The following ACOT13 variants were observed in gnomAD, a reference collection of about 807,000 sequenced individuals.
ACOT13 encodes acyl-CoA thioesterase 13.
A neutral mutation model predicts 11.8 loss-of-function variants in ACOT13; 10 were observed. The observed-to-expected ratio is 0.85, with a 90% confidence interval of 0.53 to 1.44. The LOEUF (loss-of-function observed/expected upper bound fraction) is 1.44, where lower values mean the gene tolerates loss of function less well. ACOT13 is among the 40% of genes most tolerant of loss of function. ACOT13 has a pLI of 0.00. For missense variants in ACOT13, 172 were observed against 174.1 expected (o/e 0.99, Z 0.07); for synonymous variants, 53 against 61.0 (o/e 0.87, Z 0.61).
In ACOT13 at chr6:24,695,365, C is replaced by T. The variant is rs988289162; in HGVS notation, c.82-2518C>T. 1.3e-4 allele frequency among the ~76,000 whole-genome samples: 20 copies of T among 152,144 alleles called. 1 individual carries two copies. Among genetic ancestry groups the T allele is most frequent in the Admixed American group, 7.2e-4 (11 of 15,276 alleles). On this transcript the variant is annotated intron_variant, in intron 1 of 2. Coordinates refer to ENST00000230048, the MANE Select transcript of ACOT13 (RefSeq NM_018473.4). ...CTACCTTTGCTGTCTACAAGCCGCT[C>T]GTATTTAGTTCTATTTCTTCAACTG...
intron 1 of ACOT13, among the ~76,000 whole-genome samples, chr6:24,674,282 C>T (rs1778409263): frequency 6.6e-6 from 1 of 152,188 alleles, no homozygotes; most frequent in African/African-American, 2.4e-5. Flanking sequence ...TGGTCTTGAA[C>T]TGACTTCAAG....
rs1467135568 is a variant in ACOT13 at position 24,701,456 on chromosome 6, A to G, written c.267-3A>G. 4 of 1,596,760 alleles carry G rather than the reference A, an allele frequency of 2.5e-6. No homozygotes were observed. The East Asian group carries it at 6.7e-5, about 27-fold the overall frequency. The stretch of plus-strand genomic sequence containing the variant: ...CTGTTAACTATATTCATTTTCTTTC[A>G]AGGTACATGTCACCTGCAAAATTAG... On this transcript the variant is annotated splice_polypyrimidine_tract_variant and splice_region_variant and intron_variant, in intron 2 of 2. Coordinates refer to ENST00000230048, the MANE Select transcript of ACOT13 (RefSeq NM_018473.4).
intron 1 of ACOT13, among the ~76,000 whole-genome samples, chr6:24,690,666 C>T (rs1487404106): frequency 6.6e-6 from 1 of 152,234 alleles, no homozygotes; most frequent in African/African-American, 2.4e-5. Context: ...AACTAACCTT[C>T]AGGGAATATT....
intron 2 of ACOT13, among the ~76,000 whole-genome samples, chr6:24,699,431 C>T (rs1005363023): frequency 2.6e-5 from 4 of 152,100 alleles, no homozygotes; most frequent in Non-Finnish European, 4.4e-5. Context: ...AGGCTGGTCT[C>T]GATCTCCTCA....
intron 1 of ACOT13, among the ~76,000 whole-genome samples, chr6:24,688,557 A>AT (rs1475583788): frequency 6.6e-6 from 1 of 151,582 alleles, no homozygotes; most frequent in Non-Finnish European, 1.5e-5. Flanking sequence ...AAAAAAAAAA[A>AT]AATTGTGTGA....
intron 1 of ACOT13, among the ~76,000 whole-genome samples, chr6:24,672,243 C>G (rs1416176105): frequency 6.6e-6 from 1 of 152,188 alleles, no homozygotes; most frequent in African/African-American, 2.4e-5. Context: ...AGAGAGGGGA[C>G]TTAACTTTCC....
intron 1 of ACOT13, among the ~76,000 whole-genome samples, chr6:24,678,510 C>G (rs1012555135): frequency 2.6e-5 from 4 of 152,098 alleles, no homozygotes; most frequent in African/African-American, 9.7e-5. Flanking sequence ...AGGGTACTGC[C>G]TTTGGTAGGG....
At chr6:24,683,244 A>C (rs920094812) in intron 1 of ACOT13, among the ~76,000 whole-genome samples, 12 of 152,190 alleles carry the variant, frequency 7.9e-5, no homozygotes, top group African/African-American at 1.9e-4. Context: ...TAATTTAGAA[A>C]GTTTATTTTG....
rs1433135259 is a variant in ACOT13, at chr6:24,703,604, C to T, written c.*1989C>T. 1 of 152,206 alleles carries T rather than the reference C, an allele frequency of 6.6e-6. No individual in the cohort carries two copies. Among genetic ancestry groups the T allele is most frequent in the Non-Finnish European group, 1.5e-5 (1 of 68,030 alleles). The allele number at this position is 152,206 out of a possible 1,614,324, so 9.4% of individuals were successfully genotyped here. ...GCAGAGATAGAACACTCTCTTACAA[C>T]AAATGCTGTAAATGGACAAAGCATT... On this transcript the variant is annotated 3_prime_UTR_variant, in exon 3 of 3. Coordinates refer to ENST00000230048, the MANE Select transcript of ACOT13 (RefSeq NM_018473.4).
At position 24,686,605 on chromosome 6, in the gene ACOT13, C is replaced by T. The variant is rs372333058; in HGVS notation, c.82-11278C>T. ...TTTTCTTTCCTTCCTTCCTTTCTTT[C>T]TTTTCTTCCTCTCCTTTCTTTCTCT... On this transcript the variant is annotated intron_variant, in intron 1 of 2. Coordinates refer to ENST00000230048, the MANE Select transcript of ACOT13 (RefSeq NM_018473.4). Among the ~76,000 whole-genome samples, 280 of 144,502 alleles carry T rather than the reference C, an allele frequency of 1.9e-3. 2 individuals are homozygous for T. Among genetic ancestry groups the T allele is most frequent in the African/African-American group, 6.1e-3 (239 of 39,424 alleles). 94.8% of individuals were successfully genotyped at this position (144,502 alleles called of 152,430 possible).
Position 24,692,037 on chromosome 6 carries a change from G to A in ACOT13, c.82-5846G>A, listed in dbSNP as rs900432748. On this transcript the variant is annotated intron_variant, in intron 1 of 2. Transcript: ENST00000230048. Reference sequence around the variant, plus strand: ...AGGGCAGAAATAGGGAGATAAATTGGAAGTCAGTTGCAACAGCTCAGGAGA... The same window carrying A: ...AGGGCAGAAATAGGGAGATAAATTGAAAGTCAGTTGCAACAGCTCAGGAGA... Among the ~76,000 whole-genome samples the A allele has an allele frequency of 3.9e-5, 6 of 152,174 alleles. 1 individual carries two copies. The South Asian group carries it at 1.0e-3, about 26-fold the overall frequency.
At chr6:24,671,742 G>A (rs1778370213) in intron 1 of ACOT13, among the ~76,000 whole-genome samples, 2 of 152,136 alleles carry the variant, frequency 1.3e-5, no homozygotes, top group Non-Finnish European at 2.9e-5. Context: ...GTGCGTGGAT[G>A]ACTAAAAGTT....
In ACOT13 at chr6:24,675,652, T is replaced by A. The variant is rs534579156; in HGVS notation, c.81+8308T>A. 1.3e-4 allele frequency among the ~76,000 whole-genome samples: 20 copies of A among 152,356 alleles called. 1 individual carries two copies. The Middle Eastern group carries it at 0.02, about 155-fold the overall frequency. ...TTAGCCCTTTGTCAGTTGGGTAGAT[T>A]GTAAAAATTTTCTCCCATCCTGTAG... On this transcript the variant is annotated intron_variant, in intron 1 of 2. Transcript: ENST00000230048.
chr6:24,680,048 C>T (rs976238730), intron 1 of ACOT13, among the ~76,000 whole-genome samples: 5 of 151,984 alleles, frequency 3.3e-5, no homozygotes, highest in Non-Finnish European at 7.4e-5. Context: ...AAAGGGGGGT[C>T]CCTTATTAGT....
intron 1 of ACOT13, among the ~76,000 whole-genome samples, chr6:24,673,610 C>T (rs1287344472): frequency 6.6e-6 from 1 of 152,172 alleles, no homozygotes; most frequent in Non-Finnish European, 1.5e-5. Flanking sequence ...ATCCACCTGT[C>T]TTGGCCTCCC....
At chr6:24,700,787 AAT>A (rs1042613069) in intron 2 of ACOT13, 9 of 152,182 alleles carry the variant, frequency 5.9e-5, no homozygotes, top group African/African-American at 1.9e-4. Context: ...TCTTATTTTG[AAT>A]ATGGCAAAAA....
intron 1 of ACOT13, among the ~76,000 whole-genome samples, chr6:24,687,951 G>T (rs937984608): frequency 1.3e-5 from 2 of 151,940 alleles, no homozygotes; most frequent in South Asian, 4.2e-4. Flanking sequence ...GACCTCAAGT[G>T]ATCCTCCTGC....
At chr6:24,680,519 C>G (rs1030584923) in intron 1 of ACOT13, among the ~76,000 whole-genome samples, 3 of 152,102 alleles carry the variant, frequency 2.0e-5, no homozygotes, top group African/African-American at 7.2e-5. Flanking sequence ...TTATTCTTTT[C>G]CAGGGTGCGT....
At chr6:24,671,576 C>T (rs1008677003) in intron 1 of ACOT13, among the ~76,000 whole-genome samples, 2 of 151,998 alleles carry the variant, frequency 1.3e-5, no homozygotes, top group South Asian at 2.1e-4. Context: ...CAAAACTGCA[C>T]GTTGTGCACA....
Sources: gnomAD v4.1 joint callset for allele counts (sites outside exome capture counted in the v4.1 genomes callset) on GRCh38, gnomAD v4.1.1 for gene constraint, MANE v1.5 for transcripts, NCBI Gene and HGNC (gene_info 2026-07-23, HGNC 2026-07-21) for gene names.